CDH2: variants seen among roughly 807,000 people sequenced by gnomAD.
CDH2 encodes the protein cadherin-2.
In CDH2, 17 loss-of-function variants were observed where a neutral mutation model predicts 92.0. That is an observed-to-expected ratio of 0.18 (90% CI 0.13 to 0.28). CDH2 has a LOEUF of 0.28. CDH2 is among the 10% of genes least tolerant of loss of function. The pLI, the probability that CDH2 is intolerant of heterozygous loss-of-function variation, is 1.00. For synonymous variants in CDH2, 419 were observed against 415.9 expected (o/e 1.01, Z -0.09); for missense variants, 862 against 1,133.1 (o/e 0.76, Z 3.44).
Position 27,970,063 on chromosome 18 carries a change from C to T in CDH2, c.2350-6542G>A, listed in dbSNP as rs144454926. On this transcript the variant is annotated intron_variant, in intron 14 of 15. Coordinates refer to ENST00000269141, the MANE Select transcript of CDH2 (RefSeq NM_001792.5). ...ATAATATTTAAAGTTACAAAAAATACGGAAAGTGAAGATGTCAGAAGCTAT... is the reference window on the plus strand; with the variant it reads ...ATAATATTTAAAGTTACAAAAAATATGGAAAGTGAAGATGTCAGAAGCTAT... 4.3e-3 allele frequency among the ~76,000 whole-genome samples: 654 copies of T among 151,800 alleles called. 4 individuals are homozygous for T. Among genetic ancestry groups the T allele is most frequent in the Non-Finnish European group, 7.3e-3 (495 of 67,906 alleles).
chr18:27,942,353 CTAA>C (rs1164216034), intron 6 of CDH2, among the ~76,000 whole-genome samples: 1 of 152,138 alleles, frequency 6.6e-6, no homozygotes, highest in Non-Finnish European at 1.5e-5. Context: ...ACATGTCTTC[CTAA>C]TAATAGATAA....
chr18:28,176,891 C>G, intron 1 of CDH2, 72 bp downstream of exon 1: 1 of 874,334 alleles, frequency 1.1e-6, no homozygotes, highest in South Asian at 5.4e-5. Context: ...CGCAGCGGCG[C>G]GGGGAACAAA....
intron 2 of CDH2, among the ~76,000 whole-genome samples, chr18:28,072,445 T>C (rs1362006745): frequency 6.6e-6 from 1 of 152,164 alleles, no homozygotes; most frequent in Non-Finnish European, 1.5e-5. Context: ...AGATCCCACC[T>C]GGCATAGTTG....
chr18:28,066,966 C>T (rs1463832453), intron 2 of CDH2, among the ~76,000 whole-genome samples: 1 of 152,018 alleles, frequency 6.6e-6, no homozygotes, highest in East Asian at 1.9e-4. Flanking sequence ...GGTCTTTCTC[C>T]TCACAAACAA....
intron 2 of CDH2, among the ~76,000 whole-genome samples, chr18:28,023,897 T>A (rs1344927292): frequency 1.3e-5 from 2 of 152,174 alleles, no homozygotes; most frequent in African/African-American, 4.8e-5. Flanking sequence ...CTATTTCTTC[T>A]GCTTCATTTG....
chr18:28,131,974 G>A (rs1397215164), intron 2 of CDH2, among the ~76,000 whole-genome samples: 1 of 152,130 alleles, frequency 6.6e-6, no homozygotes, highest in Non-Finnish European at 1.5e-5. Flanking sequence ...ATTGTGCTAG[G>A]CATTGGGAAT....
chr18:28,153,438 C>G (rs1251212432), intron 1 of CDH2, among the ~76,000 whole-genome samples: 1 of 152,180 alleles, frequency 6.6e-6, no homozygotes, highest in Non-Finnish European at 1.5e-5. Flanking sequence ...TCAAGAAAGT[C>G]TAATGAGATA....
intron 1 of CDH2, among the ~76,000 whole-genome samples, chr18:28,164,138 T>C (rs1309667958): frequency 6.6e-6 from 1 of 152,200 alleles, no homozygotes; most frequent in Non-Finnish European, 1.5e-5. Flanking sequence ...TTCATATATA[T>C]ATAAAATACA....
chr18:28,098,350 G>C (rs1159407056), intron 2 of CDH2, among the ~76,000 whole-genome samples: 3 of 51,750 alleles, frequency 5.8e-5, no homozygotes, highest in African/African-American at 2.2e-4. Context: ...GATCCATAAA[G>C]TTGCCAAAAA....
intron 2 of CDH2, among the ~76,000 whole-genome samples, chr18:28,025,889 T>G (rs903794830): frequency 5.9e-5 from 9 of 152,186 alleles, no homozygotes; most frequent in African/African-American, 2.2e-4. Context: ...TATATTTTAT[T>G]GTAAAAAGTC....
chr18:28,097,125 A>C (rs1195857907), intron 2 of CDH2: 1 of 152,182 alleles, frequency 6.6e-6, no homozygotes, highest in Non-Finnish European at 1.5e-5. Flanking sequence ...TCTCCCTTGT[A>C]GCTGACGGTG....
In CDH2 at chr18:27,937,473, C is replaced by T. The variant is rs73397913; in HGVS notation, c.1152-4349G>A. On this transcript the variant is annotated intron_variant, in intron 6 of 6. Transcript: ENST00000675173. The stretch of plus-strand genomic sequence containing the variant: ...AGCATATCAGTAACAAAAACATGTG[C>T]AAAATAAAAGATTGTTATTGTTATG... Among the ~76,000 whole-genome samples the T allele has an allele frequency of 2.6e-3, 395 of 152,184 alleles. 3 individuals carry two copies. The highest frequency in any genetic ancestry group is 9.2e-3 in the African/African-American group (384 of 41,536).
chr18:27,988,063 C>T (rs905773126), intron 11 of CDH2, among the ~76,000 whole-genome samples: 8 of 152,074 alleles, frequency 5.3e-5, no homozygotes, highest in African/African-American at 1.9e-4. Context: ...ATTCTAAAAC[C>T]CATACCCTGA....
At chr18:28,035,494 G>C (rs759194640) in intron 2 of CDH2, among the ~76,000 whole-genome samples, 1 of 151,900 alleles carries the variant, frequency 6.6e-6, no homozygotes, top group South Asian at 2.1e-4. Flanking sequence ...GACTTTCAAA[G>C]TTACTTTATG....
At chr18:28,089,654 T>C (rs186040484) in intron 2 of CDH2, among the ~76,000 whole-genome samples, 47 of 152,322 alleles carry the variant, frequency 3.1e-4, no homozygotes, top group Non-Finnish European at 6.0e-4. Context: ...CTAAAGCAAA[T>C]GGTTATATCT....
chr18:28,039,179 T>C (rs1018308462), intron 2 of CDH2, among the ~76,000 whole-genome samples: 3 of 152,244 alleles, frequency 2.0e-5, no homozygotes, highest in Middle Eastern at 3.4e-3. Flanking sequence ...TCCACAGCTA[T>C]TGGAAGCTAG....
At chr18:27,964,769 C>T (rs891782789) in intron 14 of CDH2, among the ~76,000 whole-genome samples, 1 of 152,068 alleles carries the variant, frequency 6.6e-6, no homozygotes, top group Non-Finnish European at 1.5e-5. Flanking sequence ...CCAAGTAAGT[C>T]GCATATGGTC....
At chr18:28,136,378 G>C (rs967321223) in intron 2 of CDH2, among the ~76,000 whole-genome samples, 4 of 150,950 alleles carry the variant, frequency 2.6e-5, no homozygotes, top group Non-Finnish European at 5.9e-5. Flanking sequence ...CACGTTCTTT[G>C]CTGTAATCTT....
Position 28,043,341 on chromosome 18 carries a change from C to T in CDH2, c.173-29432G>A, listed in dbSNP as rs1481754612. On this transcript the variant is annotated intron_variant, in intron 2 of 15. Coordinates refer to ENST00000269141, the MANE Select transcript of CDH2 (RefSeq NM_001792.5). ...GGCGGGTGAAGGATAAAAGGTTACA[C>T]ACTGGGTACAGTGTACACTGCTTGG... 2.0e-5 allele frequency among the ~76,000 whole-genome samples: 3 copies of T among 150,994 alleles called. No individual in the cohort carries two copies. The Admixed American group carries it at 2.0e-4, about 10-fold the overall frequency.
Sources: gnomAD v4.1 joint callset for allele counts (sites outside exome capture counted in the v4.1 genomes callset) on GRCh38, gnomAD v4.1.1 for gene constraint, MANE v1.5 for transcripts, NCBI Gene and HGNC (gene_info 2026-07-23, HGNC 2026-07-21) for gene names.